The following NIPBL variants were observed in gnomAD, a reference collection of about 807,000 sequenced individuals.
NIPBL encodes NIPBL cohesin loading factor, also known as nipped-B-like protein.
In NIPBL, 19 loss-of-function variants were observed where a neutral mutation model predicts 321.8. The ratio of observed to expected loss-of-function variants is 0.06; its 90% confidence interval spans 0.04 to 0.09. The LOEUF (loss-of-function observed/expected upper bound fraction) is 0.09, where lower values mean the gene tolerates loss of function less well. Among genes scored for constraint, NIPBL ranks in the 10% least tolerant of loss-of-function variants. The pLI is 1.00. For missense variants in NIPBL, 2,210 were observed against 3,327.0 expected, an observed-to-expected ratio of 0.66 and a Z score of 8.26; for synonymous variants, 1,106 against 1,114.1, an observed-to-expected ratio of 0.99 and a Z score of 0.14.
chr5:36,963,746 A>T (rs1216593201), intron 6 of NIPBL, among the ~76,000 whole-genome samples: 1 of 152,122 alleles, frequency 6.6e-6, no homozygotes, highest in Non-Finnish European at 1.5e-5. Context: ...TCATGATCAC[A>T]CCATTGCAGT....
intron 37 of NIPBL, 99 bp from the exon 38 acceptor site, chr5:37,046,010 C>T (rs1752943614): frequency 1.4e-6 from 1 of 700,746 alleles, no homozygotes; most frequent in Admixed American, 2.3e-5. Context: ...ATAAAGTTCA[C>T]ACAAATTCTC....
At chr5:37,047,763 G>A (rs1753129263) in intron 38 of NIPBL, among the ~76,000 whole-genome samples, 1 of 152,144 alleles carries the variant, frequency 6.6e-6, no homozygotes, top group African/African-American at 2.4e-5. Context: ...TATGCTTTGA[G>A]TTTAGTTTGT....
In NIPBL at chr5:36,971,971, T is replaced by C; in HGVS notation, c.798T>C (p.Asn266=). The stretch of plus-strand genomic sequence containing the variant: ...ATGGAGATTCTTCAACAATGAGGAA[T>C]GCTGCATCTTTTCCCTTGAGATCTC... The part of the protein sequence containing the change: ...SDDGDSSTMR[N]AASFPLRSPQ... Residue 266 remains asparagine (N), a synonymous_variant, in exon 8 of 47, where the codon AAT becomes AAC. Coordinates refer to ENST00000282516, the MANE Select transcript of NIPBL (RefSeq NM_133433.4). 6.2e-7 allele frequency: 1 copy of C among 1,612,024 alleles called. No individual in the cohort carries two copies. Among genetic ancestry groups the C allele is most frequent in the Non-Finnish European group, 8.5e-7 (1 of 1,178,976 alleles).
chr5:36,880,957 T>C (rs1309697605), intron 1 of NIPBL, among the ~76,000 whole-genome samples: 3 of 152,040 alleles, frequency 2.0e-5, no homozygotes, highest in Admixed American at 6.5e-5. Context: ...CACTAGTATT[T>C]TCTTAGATTA....
chr5:37,020,821 C>G lies in NIPBL; in HGVS notation c.5272C>G (p.Arg1758Gly). Residue 1758 changes from arginine (R) to glycine (G), a missense_variant, in exon 27 of 47, where the codon CGA becomes GGA. Coordinates refer to ENST00000282516, the MANE Select transcript of NIPBL (RefSeq NM_133433.4). ...CTATGATGATGCTTGCTTGATTGTT[C>G]GATACTTGGCCTCCATGAGGCCGTT... ...VDYDDACLIV[R>G]YLASMRPFAQ... is the part of the protein sequence containing the mutation. 1 of 1,613,984 alleles carries G rather than the reference C, an allele frequency of 6.2e-7. No homozygotes were observed. The highest frequency in any genetic ancestry group is 1.1e-5 in the South Asian group (1 of 91,030).
chr5:37,034,184 C>G (rs1470726043), intron 32 of NIPBL, among the ~76,000 whole-genome samples: 1 of 152,094 alleles, frequency 6.6e-6, no homozygotes, highest in African/African-American at 2.4e-5. Flanking sequence ...AGACCACATT[C>G]TACACCATTT....
At chr5:36,994,303 A>G (rs550178246) in intron 10 of NIPBL, among the ~76,000 whole-genome samples, 8 of 152,264 alleles carry the variant, frequency 5.3e-5, no homozygotes, top group African/African-American at 1.4e-4. Context: ...AATTGTTCCT[A>G]TGCATGTCCT....
intron 1 of NIPBL, among the ~76,000 whole-genome samples, chr5:36,919,716 A>G (rs1367582722): frequency 6.6e-6 from 1 of 152,148 alleles, no homozygotes; most frequent in Non-Finnish European, 1.5e-5. Flanking sequence ...ATAATCCTCT[A>G]CTTTTTTTCT....
At chr5:37,008,936 G>C (rs991115178) in intron 20 of NIPBL, among the ~76,000 whole-genome samples, 8 of 152,212 alleles carry the variant, frequency 5.3e-5, no homozygotes, top group Non-Finnish European at 1.2e-4. Context: ...AAGATCTGTG[G>C]CAGGGTTTTT....
Position 36,876,815 on chromosome 5 carries a change from G to C in NIPBL, c.-443G>C. ...ACGGAACGAGAGAGAGACACACACA[G>C]GGCTCCTTCCCCCCGCCCTCCCCCC... On this transcript the variant is annotated 5_prime_UTR_variant, in exon 1 of 47. Transcript: ENST00000282516. The C allele has an allele frequency of 2.5e-6, 1 of 394,478 alleles. No individual in the cohort carries two copies. The allele number at this position is 394,478 out of a possible 1,614,324, so 24.4% of individuals were successfully genotyped here. A position where few individuals can be genotyped will look rare whatever the true frequency, so the allele number is the denominator to read the frequency against.
intron 15 of NIPBL, 34 bp downstream of exon 15, chr5:37,002,799 T>A: frequency 8.5e-7 from 1 of 1,176,060 alleles, no homozygotes; most frequent in Middle Eastern, 2.0e-4. Context: ...TAAATTTACT[T>A]CATAGAAACA....
chr5:37,056,878 A>G (rs1395258084), intron 42 of NIPBL, among the ~76,000 whole-genome samples: 2 of 152,192 alleles, frequency 1.3e-5, no homozygotes, highest in African/African-American at 2.4e-5. Context: ...TTGAGATAGC[A>G]TAGTGTAAGT....
intron 24 of NIPBL, 90 bp downstream of exon 24, chr5:37,017,252 G>A: frequency 7.8e-7 from 1 of 1,276,524 alleles, no homozygotes; most frequent in Admixed American, 2.2e-5. Context: ...CATTTTGTGT[G>A]GATTCAAAAT....
At chr5:37,019,579 A>G (rs1173484051) in intron 25 of NIPBL, among the ~76,000 whole-genome samples, 179 bp downstream of exon 25, 1 of 152,232 alleles carries the variant, frequency 6.6e-6, no homozygotes, top group Non-Finnish European at 1.5e-5. Flanking sequence ...TTTGTCTTAT[A>G]TGGAATTCTG....
intron 34 of NIPBL, among the ~76,000 whole-genome samples, chr5:37,043,560 G>A (rs895805994): frequency 1.3e-5 from 2 of 151,872 alleles, no homozygotes; most frequent in African/African-American, 2.4e-5. Context: ...AAATTAACCG[G>A]GTGTGGTATT....
Position 37,007,462 on chromosome 5 carries a change from A to G in NIPBL, c.4227A>G (p.Thr1409=), listed in dbSNP as rs757125850. The G allele has an allele frequency of 6.2e-7, 1 of 1,610,742 alleles. No homozygotes were observed. The highest frequency in any genetic ancestry group is 8.5e-7 in the Non-Finnish European group (1 of 1,177,706). Residue 1409 remains threonine (T), a synonymous_variant, in exon 18 of 47, where the codon ACA becomes ACG. Transcript: ENST00000282516. ...TAGAGATACAACTTCTTACAGACAC[A>G]ACAATTCTTCAGGTAAGATTTTTTG... ...ELLEIQLLTD[T]TILQVSSMGI...
At chr5:37,054,606 A>T (rs1753908258) in intron 42 of NIPBL, among the ~76,000 whole-genome samples, 1 of 152,176 alleles carries the variant, frequency 6.6e-6, no homozygotes, top group South Asian at 2.1e-4. Flanking sequence ...TATGTCATTG[A>T]CTAGATGTTT....
chr5:36,988,742 G>C (rs932050462), intron 10 of NIPBL, among the ~76,000 whole-genome samples: 1 of 151,944 alleles, frequency 6.6e-6, no homozygotes, highest in African/African-American at 2.4e-5. Flanking sequence ...TGGGATACTT[G>C]TATGGTTGGT....
chr5:36,912,345 G>A (rs1025123177), intron 1 of NIPBL, among the ~76,000 whole-genome samples: 1 of 151,984 alleles, frequency 6.6e-6, no homozygotes, highest in Non-Finnish European at 1.5e-5. Context: ...TGAATGTGGC[G>A]ATATTGGATT....
Sources: allele counts gnomAD v4.1 joint callset (sites outside exome capture counted in the v4.1 genomes callset), GRCh38; gene constraint gnomAD v4.1.1; transcripts MANE v1.5; gene names NCBI Gene and HGNC (gene_info 2026-07-23, HGNC 2026-07-21).